The following MCF2 variants were observed in gnomAD, a reference collection of about 807,000 sequenced individuals.
The protein encoded by MCF2 is proto-oncogene DBL.
Under a neutral mutation model 82.5 loss-of-function variants are expected in MCF2, and 44 were observed. The observed-to-expected ratio is 0.53, with a 90% confidence interval of 0.42 to 0.69. The LOEUF (loss-of-function observed/expected upper bound fraction) is 0.69, where lower values mean the gene tolerates loss of function less well. Ranked by LOEUF, MCF2 falls within the 30% of genes least tolerant of loss-of-function variation. The pLI is 0.00. For missense variants in MCF2, 623 were observed against 663.1 expected, an observed-to-expected ratio of 0.94 and a Z score of 0.66; for synonymous variants, 217 against 224.9, an observed-to-expected ratio of 0.96 and a Z score of 0.32.
chrX:139,698,855 T>G (rs1463502654), intron 1 of MCF2, among the ~76,000 whole-genome samples: 1 of 112,071 alleles, frequency 8.9e-6, no homozygotes, highest in Non-Finnish European at 1.9e-5. Flanking sequence ...ACAGTTGCTG[T>G]TACTACTAAT....
intron 21 of MCF2, 149 bp from the exon 26 acceptor site, chrX:139,587,937 A>T: frequency 2.3e-6 from 1 of 426,514 alleles, no homozygotes; most frequent in East Asian, 3.9e-5. Flanking sequence ...TGAAATAATC[A>T]GAGGGAAGGC....
At chrX:139,625,448 C>T (rs1301879400) in intron 6 of MCF2, among the ~76,000 whole-genome samples, 2 of 111,062 alleles carry the variant, frequency 1.8e-5, no homozygotes, top group Admixed American at 1.9e-4. Context: ...TAACTGAGCC[C>T]CGCGTCCAGA....
chrX:139,639,230 T>C (rs1191247652), intron 1 of MCF2, among the ~76,000 whole-genome samples: 1 of 112,286 alleles, frequency 8.9e-6, no homozygotes, highest in Non-Finnish European at 1.9e-5. Context: ...AATTCATTTT[T>C]GAGAACTTGT....
chrX:139,628,166 C>G, intron 4 of MCF2, among the ~76,000 whole-genome samples: 1 of 111,906 alleles, frequency 8.9e-6, no homozygotes, highest in East Asian at 2.8e-4. Context: ...CCAAAAGACA[C>G]ATGCACTCAT....
rs747649910 is a variant in MCF2 at position 139,602,785 on chromosome X, T to C, written c.1744-287A>G. On this transcript the variant is annotated intron_variant, in intron 15 of 24. Coordinates refer to ENST00000370576, the Ensembl canonical transcript of MCF2. ...GAACTATAAAAACCTACTTTTTGCA[T>C]AACGATGAACTAATAGGCTGCCAAG... 1.2e-4 allele frequency among the ~76,000 whole-genome samples: 13 copies of C among 112,292 alleles called. No homozygotes were observed. The South Asian group carries it at 1.9e-3, about 16-fold the overall frequency.
intron 8 of MCF2, among the ~76,000 whole-genome samples, chrX:139,617,016 C>T (rs1042716799): frequency 3.6e-5 from 4 of 111,260 alleles, no homozygotes; most frequent in African/African-American, 1.3e-4. Context: ...ATACGGTGAC[C>T]TGTCAATTCA....
At chrX:139,672,806 G>A (rs1264254966) in intron 1 of MCF2, among the ~76,000 whole-genome samples, 1 of 111,872 alleles carries the variant, frequency 8.9e-6, no homozygotes, top group Non-Finnish European at 1.9e-5. Context: ...CCAGGCTTTG[G>A]TATCAGGATG....
intron 1 of MCF2, among the ~76,000 whole-genome samples, chrX:139,690,402 A>G (rs1293870564): frequency 3.9e-5 from 4 of 103,424 alleles, no homozygotes; most frequent in African/African-American, 1.4e-4. Flanking sequence ...AACAAAACGC[A>G]AAGTACTTTC....
At chrX:139,609,366 A>G (rs1353397298) in intron 11 of MCF2, among the ~76,000 whole-genome samples, 1 of 111,592 alleles carries the variant, frequency 9.0e-6, no homozygotes, top group Non-Finnish European at 1.9e-5. Context: ...GCAACATAGC[A>G]AGACCCTGTC....
intron 1 of MCF2, among the ~76,000 whole-genome samples, chrX:139,653,973 T>A (rs924436150): frequency 9.0e-6 from 1 of 111,376 alleles, no homozygotes; most frequent in South Asian, 3.8e-4. Context: ...ATAAGAGGAT[T>A]TCATTCTGTT....
chrX:139,650,968 C>T (rs1248163492), intron 2 of MCF2, among the ~76,000 whole-genome samples: 1 of 111,273 alleles, frequency 9.0e-6, no homozygotes, highest in Non-Finnish European at 1.9e-5. Context: ...ACATCAGGTA[C>T]CTAAGATAGT....
At position 139,654,150 on chromosome X, in the gene MCF2, A is replaced by G. The variant is rs186794393; in HGVS notation, c.-44-2362T>C. 9.0e-5 allele frequency among the ~76,000 whole-genome samples: 10 copies of G among 111,609 alleles called. No homozygotes were observed. In the East Asian group the frequency reaches 2.2e-3, roughly 25 times the overall value. The stretch of plus-strand genomic sequence containing the variant: ...AATATATTGACTTTCTTTCTTTTGA[A>G]TATGTACCCAGAGTGGAATTGTTGG... On this transcript the variant is annotated intron_variant, in intron 1 of 27. Coordinates refer to the MCF2 transcript ENST00000414978.
At chrX:139,639,952 T>G (rs866247062) in intron 1 of MCF2, among the ~76,000 whole-genome samples, 1 of 35,336 alleles carries the variant, frequency 2.8e-5, no homozygotes, top group Admixed American at 3.2e-4. Flanking sequence ...ATATATATAT[T>G]ATCTTATTTA....
intron 6 of MCF2, among the ~76,000 whole-genome samples, chrX:139,623,544 A>G (rs1438782018): frequency 2.7e-5 from 3 of 111,692 alleles, no homozygotes; most frequent in South Asian, 3.8e-4. Context: ...ATAGACATAA[A>G]GACAGAACAA....
intron 1 of MCF2, chrX:139,692,135 C>T: frequency 8.7e-7 from 1 of 1,149,714 alleles, no homozygotes; most frequent in Non-Finnish European, 1.2e-6. Context: ...TGTGCCTGGC[C>T]GCCCGCCTTG....
chrX:139,705,741 G>C (rs1046462205), intron 1 of MCF2, among the ~76,000 whole-genome samples: 3 of 112,093 alleles, frequency 2.7e-5, no homozygotes, highest in African/African-American at 9.7e-5. Flanking sequence ...AAGAGCTTCT[G>C]TACAGCAAAA....
chrX:139,674,562 T>C (rs1015961638), intron 1 of MCF2, among the ~76,000 whole-genome samples: 6 of 112,101 alleles, frequency 5.4e-5, no homozygotes, highest in African/African-American at 1.9e-4. Context: ...TAAAGGATTT[T>C]ATTTCTCCTT....
At position 139,607,671 on chromosome X, in the gene MCF2, T is replaced by C. The variant is rs757034675; in HGVS notation, c.1490+20A>G. 2 of 1,097,247 alleles carry C rather than the reference T, an allele frequency of 1.8e-6. No homozygotes were observed. Among genetic ancestry groups the C allele is most frequent in the East Asian group, 3.0e-5 (1 of 33,073 alleles). 90.4% of individuals were successfully genotyped at this position (1,097,247 alleles called of 1,213,427 possible). On this transcript the variant is annotated intron_variant, in intron 12 of 24. Coordinates refer to ENST00000370576, the Ensembl canonical transcript of MCF2. ...ACAGTTAGATGTGTATGTGAGTTTA[T>C]ATTAATAAATAAAGGATACTTCTTT... is the stretch of plus-strand genomic sequence containing the variant.
intron 12 of MCF2, among the ~76,000 whole-genome samples, chrX:139,606,952 T>C: frequency 1.8e-5 from 2 of 111,304 alleles, no homozygotes; most frequent in East Asian, 5.6e-4. Flanking sequence ...ATTACAACTG[T>C]AACATCAAAT....
Sources: allele counts gnomAD v4.1 joint callset (sites outside exome capture counted in the v4.1 genomes callset), GRCh38; gene constraint gnomAD v4.1.1; transcripts MANE v1.5; gene names NCBI Gene and HGNC (gene_info 2026-07-23, HGNC 2026-07-21).